Variants in FMN2 observed in about 807,000 individuals in gnomAD.
The protein encoded by FMN2 is formin 2.
A neutral mutation model predicts 142.3 loss-of-function variants in FMN2; 51 were observed. That is an observed-to-expected ratio of 0.36 (90% CI 0.29 to 0.45). FMN2 has a LOEUF of 0.45. Ranked by LOEUF, FMN2 falls within the 20% of genes least tolerant of loss-of-function variation. The pLI is 1.00. For missense variants in FMN2, 1,936 were observed against 2,122.8 expected, an observed-to-expected ratio of 0.91 and a Z score of 1.73; for synonymous variants, 882 against 869.8, an observed-to-expected ratio of 1.01 and a Z score of -0.25.
intron 14 of FMN2, among the ~76,000 whole-genome samples, chr1:240,356,238 T>C (rs1046743173): frequency 6.6e-6 from 1 of 152,092 alleles, no homozygotes; most frequent in African/African-American, 2.4e-5. Context: ...TGATAGAAAA[T>C]TAGATAGTAT....
At chr1:240,193,968 C>G (rs1665812413) in intron 4 of FMN2, among the ~76,000 whole-genome samples, 2 of 152,200 alleles carry the variant, frequency 1.3e-5, no homozygotes, top group South Asian at 4.1e-4. Context: ...TCAGCGTTAT[C>G]ACTCACTATT....
Position 240,092,345 on chromosome 1 carries a change from G to A in FMN2, c.236G>A (p.Arg79Gln). 1 of 1,608,954 alleles carries A rather than the reference G, an allele frequency of 6.2e-7. No individual in the cohort carries two copies. The highest frequency in any genetic ancestry group is 8.5e-7 in the Non-Finnish European group (1 of 1,176,790). ...AGAGCCTCGGTGTTTTCCAACCTGC[G>A]GATCAGGAAGAATCTGTCCAAGGGG... ...DSRASVFSNL[R>Q]IRKNLSKGKG... Residue 79 changes from arginine (R) to glutamine (Q), a missense_variant, in exon 1 of 18, where the codon CGG (arginine) becomes CAG (glutamine). Arg to Gln is a conservative substitution (Grantham distance 43). Coordinates refer to ENST00000319653, the MANE Select transcript of FMN2 (RefSeq NM_020066.5).
chr1:240,361,652 G>T (rs763164186), intron 14 of FMN2, among the ~76,000 whole-genome samples: 9 of 152,160 alleles, frequency 5.9e-5, no homozygotes, highest in Non-Finnish European at 1.0e-4. Flanking sequence ...ATGCATAGAC[G>T]GAAAGATTTG....
intron 14 of FMN2, among the ~76,000 whole-genome samples, chr1:240,369,539 T>C (rs538779383): frequency 3.9e-4 from 60 of 152,318 alleles, no homozygotes; most frequent in African/African-American, 1.4e-3. Flanking sequence ...AAAGTTGCTT[T>C]GGTGTGAACT....
chr1:240,271,098 G>GCTTTTTTTTTTTT (rs1233218686), intron 7 of FMN2, among the ~76,000 whole-genome samples: 1 of 72,244 alleles, frequency 1.4e-5, no homozygotes, highest in African/African-American at 6.6e-5. Flanking sequence ...TTCCACGATG[G>GCTTTTTTTTTTTT]TTTTTTTTTT....
chr1:240,468,201 T>TAC (rs1676683679), intron 16 of FMN2, among the ~76,000 whole-genome samples: 1 of 112,594 alleles, frequency 8.9e-6, no homozygotes, highest in Non-Finnish European at 1.8e-5. Flanking sequence ...CTAAAATATA[T>TAC]ATATATGTGT....
intron 2 of FMN2, chr1:240,154,879 T>G (rs1298679165): frequency 1.3e-5 from 1 of 75,046 alleles, no homozygotes; most frequent in Admixed American, 2.0e-4. Flanking sequence ...TTCCCTCCCC[T>G]CCCTTCCCCT....
chr1:240,106,941 C>G (rs985649408), intron 1 of FMN2, among the ~76,000 whole-genome samples: 4 of 151,772 alleles, frequency 2.6e-5, no homozygotes, highest in Non-Finnish European at 1.5e-5. Context: ...GCCTCAGCCT[C>G]CCAAAGTGCC....
rs1409053343 is a variant in FMN2, at chr1:240,170,440, C to A, written c.1783-7481C>A. 5.3e-6 allele frequency: 7 copies of A among 1,319,374 alleles called. No individual in the cohort carries two copies. The Admixed American group carries it at 1.0e-4, about 19-fold the overall frequency. 81.7% of individuals were successfully genotyped at this position (1,319,374 alleles called of 1,614,324 possible). A position where few individuals can be genotyped will look rare whatever the true frequency, so the allele number is the denominator to read the frequency against. On this transcript the variant is annotated intron_variant, in intron 2 of 17. Coordinates refer to ENST00000319653, the MANE Select transcript of FMN2 (RefSeq NM_020066.5). ...GCTGAAGGCGGGTGATAACTGTCAT[C>A]CCATTTTACATCCCACAGTGTGGAG... is the stretch of plus-strand genomic sequence containing the variant.
rs897350998 is a variant in FMN2, at chr1:240,213,426, G to A, written c.4065+2191G>A. Reference sequence around the variant, plus strand: ...GGACAAAAGATTTTTTTAAATGTATGTTAGAGAAAAATCACTACAAAGTGA... The same window carrying A: ...GGACAAAAGATTTTTTTAAATGTATATTAGAGAAAAATCACTACAAAGTGA... On this transcript the variant is annotated intron_variant, in intron 6 of 17. Coordinates refer to ENST00000319653, the MANE Select transcript of FMN2 (RefSeq NM_020066.5). 2.8e-4 allele frequency among the ~76,000 whole-genome samples: 43 copies of A among 152,126 alleles called. 1 individual carries two copies. The highest frequency in any genetic ancestry group is 1.0e-3 in the African/African-American group (43 of 41,420).
chr1:240,128,236 AT>A (rs1662590945), intron 2 of FMN2, among the ~76,000 whole-genome samples: 1 of 152,086 alleles, frequency 6.6e-6, no homozygotes, highest in Non-Finnish European at 1.5e-5. Flanking sequence ...TACTCTAGTC[AT>A]TTCTCTCATG....
chr1:240,278,667 T>C (rs973910008), intron 7 of FMN2, among the ~76,000 whole-genome samples: 4 of 152,210 alleles, frequency 2.6e-5, no homozygotes, highest in African/African-American at 9.6e-5. Flanking sequence ...AAGGGCTTTA[T>C]TAAACTGTTT....
intron 8 of FMN2, among the ~76,000 whole-genome samples, chr1:240,302,134 T>C (rs1422096496): frequency 1.3e-5 from 2 of 152,064 alleles, no homozygotes; most frequent in East Asian, 3.8e-4. Context: ...ATTCTTTTAT[T>C]CAACCTCTCA....
chr1:240,294,874 CTA>C lies in FMN2; in HGVS notation c.4208_4209del (p.Tyr1403Ter). 6.2e-7 allele frequency: 1 copy of C among 1,613,612 alleles called. No individual in the cohort carries two copies. Among genetic ancestry groups the C allele is most frequent in the Non-Finnish European group, 8.5e-7 (1 of 1,179,674 alleles). On this transcript the variant is annotated frameshift_variant, in exon 8 of 18. Coordinates refer to ENST00000319653, the MANE Select transcript of FMN2 (RefSeq NM_020066.5). LOFTEE classifies it high-confidence loss of function. ...VVDLETLQAL[Y>X]ENRAQSDELE... Reference sequence around the variant, plus strand: ...TTGACCTGGAGACCCTTCAAGCTCTCTATGAGAATGTGAGTAATAGAAGGAAT... The same window carrying C: ...TTGACCTGGAGACCCTTCAAGCTCTCTGAGAATGTGAGTAATAGAAGGAAT...
intron 6 of FMN2, among the ~76,000 whole-genome samples, chr1:240,251,648 A>C (rs759756501): frequency 1.3e-5 from 2 of 152,086 alleles, no homozygotes; most frequent in Non-Finnish European, 2.9e-5. Context: ...AGATGATCCT[A>C]CTGTTGCTGA....
intron 15 of FMN2, among the ~76,000 whole-genome samples, chr1:240,419,629 C>T (rs907585893): frequency 1.3e-5 from 2 of 152,082 alleles, no homozygotes; most frequent in African/African-American, 4.8e-5. Flanking sequence ...CTGTGGCCCT[C>T]GAGACATCTG....
intron 6 of FMN2, among the ~76,000 whole-genome samples, chr1:240,252,941 T>A (rs1668325048): frequency 6.9e-6 from 1 of 144,068 alleles, no homozygotes; most frequent in Non-Finnish European, 1.5e-5. Context: ...ATGTGTGATG[T>A]AGTCTTGTTC....
intron 2 of FMN2, among the ~76,000 whole-genome samples, chr1:240,135,711 C>T (rs1285438804): frequency 6.8e-6 from 1 of 147,708 alleles, no homozygotes; most frequent in Non-Finnish European, 1.5e-5. Context: ...GACAGAGTCT[C>T]ACTCTGTCAC....
At chr1:240,263,006 G>A (rs530695050) in intron 7 of FMN2, among the ~76,000 whole-genome samples, 2 of 151,954 alleles carry the variant, frequency 1.3e-5, no homozygotes, top group African/African-American at 2.4e-5. Flanking sequence ...TGATCCACCC[G>A]CCTCAGCCTC....
Sources: allele counts gnomAD v4.1 joint callset (sites outside exome capture counted in the v4.1 genomes callset), GRCh38; gene constraint gnomAD v4.1.1; transcripts MANE v1.5; gene names NCBI Gene and HGNC (gene_info 2026-07-23, HGNC 2026-07-21).